EDIL3: variants seen among roughly 807,000 people sequenced by gnomAD.
EDIL3 encodes the protein EGF-like repeat and discoidin I-like domain-containing protein 3.
In EDIL3, 37 loss-of-function variants were observed where a neutral mutation model predicts 67.4. The observed-to-expected ratio is 0.55, with a 90% CI of 0.42 to 0.72. The LOEUF is 0.72. Ranked by LOEUF, EDIL3 falls within the 30% of genes least tolerant of loss-of-function variation. EDIL3 has a pLI of 0.00. For missense variants in EDIL3, 527 were observed against 586.3 expected (o/e 0.90, Z 1.04); for synonymous variants, 195 against 196.3 (o/e 0.99, Z 0.05).
At chr5:84,139,015 G>A (rs1396535791) in intron 4 of EDIL3, among the ~76,000 whole-genome samples, 1 of 152,152 alleles carries the variant, frequency 6.6e-6, no homozygotes, top group East Asian at 1.9e-4. Context: ...CAAGGCGGGT[G>A]GATCACAAGG....
intron 7 of EDIL3, among the ~76,000 whole-genome samples, chr5:84,066,243 A>C (rs1250359062): frequency 1.3e-5 from 2 of 152,184 alleles, no homozygotes; most frequent in African/African-American, 4.8e-5. Flanking sequence ...ACCAATTAAA[A>C]TCTGTGAAAA....
At chr5:84,213,995 C>T (rs1744178525) in intron 3 of EDIL3, among the ~76,000 whole-genome samples, 1 of 152,152 alleles carries the variant, frequency 6.6e-6, no homozygotes, top group South Asian at 2.1e-4. Flanking sequence ...CTTCCCCCTA[C>T]ATGACCAGTG....
At chr5:84,291,043 C>G (rs1327992916) in intron 1 of EDIL3, among the ~76,000 whole-genome samples, 1 of 152,110 alleles carries the variant, frequency 6.6e-6, no homozygotes, top group Non-Finnish European at 1.5e-5. Flanking sequence ...CCTTGATAAC[C>G]TGCTTTAAAA....
In EDIL3 at chr5:83,999,476, G is replaced by A. The variant is rs561817178; in HGVS notation, c.1138-36116C>T. ...ATGAAATAATTCTTAAATATCAAGC[G>A]GAAATTCTGAAGCTACAAAATTCAA... is the stretch of plus-strand genomic sequence containing the variant. On this transcript the variant is annotated intron_variant, in intron 9 of 10. Transcript: ENST00000296591. Among the ~76,000 whole-genome samples the A allele has an allele frequency of 3.5e-3, 537 of 152,060 alleles. 3 individuals are homozygous for A. The highest frequency in any genetic ancestry group is 5.5e-3 in the Non-Finnish European group (377 of 67,984).
At chr5:84,015,594 T>G (rs1745589747) in intron 9 of EDIL3, among the ~76,000 whole-genome samples, 1 of 152,154 alleles carries the variant, frequency 6.6e-6, no homozygotes, top group Admixed American at 6.6e-5. Flanking sequence ...AGAAAATCAC[T>G]TAGCAGGGAT....
intron 4 of EDIL3, among the ~76,000 whole-genome samples, chr5:84,148,272 T>C (rs1748322852): frequency 6.6e-6 from 1 of 152,156 alleles, no homozygotes; most frequent in East Asian, 1.9e-4. Context: ...ACTTCTACAT[T>C]TGGGTTTATC....
chr5:84,137,879 G>A (rs908702691), intron 4 of EDIL3, among the ~76,000 whole-genome samples: 1 of 152,168 alleles, frequency 6.6e-6, no homozygotes, highest in Non-Finnish European at 1.5e-5. Flanking sequence ...TACATGCAAA[G>A]TATAATAAAT....
chr5:84,114,398 A>C (rs1747628255), intron 5 of EDIL3, among the ~76,000 whole-genome samples: 1 of 152,108 alleles, frequency 6.6e-6, no homozygotes, highest in African/African-American at 2.4e-5. Flanking sequence ...GAGAATGTGA[A>C]GGTAAACATG....
At chr5:84,010,255 T>A (rs1231265036) in intron 9 of EDIL3, among the ~76,000 whole-genome samples, 1 of 152,228 alleles carries the variant, frequency 6.6e-6, no homozygotes, top group Non-Finnish European at 1.5e-5. Context: ...TTATATCAAG[T>A]AACCTTTTCT....
chr5:84,291,247 G>A (rs372841131), intron 1 of EDIL3, among the ~76,000 whole-genome samples: 2 of 152,230 alleles, frequency 1.3e-5, no homozygotes, highest in African/African-American at 4.8e-5. Flanking sequence ...TGATTTTCAT[G>A]ATCGGCACGA....
intron 4 of EDIL3, among the ~76,000 whole-genome samples, chr5:84,139,968 CA>C (rs772947926): frequency 6.6e-6 from 1 of 152,068 alleles, no homozygotes; most frequent in Non-Finnish European, 1.5e-5. Flanking sequence ...GCTAGAATCC[CA>C]TGTCAGAGAA....
chr5:84,248,342 A>C (rs1280320987), intron 2 of EDIL3, among the ~76,000 whole-genome samples: 4 of 152,172 alleles, frequency 2.6e-5, no homozygotes, highest in Admixed American at 2.6e-4. Flanking sequence ...GTTAATCCTG[A>C]ACTTACTGTG....
chr5:84,270,191 C>T (rs562085733), intron 1 of EDIL3, among the ~76,000 whole-genome samples: 2 of 152,202 alleles, frequency 1.3e-5, no homozygotes, highest in African/African-American at 4.8e-5. Flanking sequence ...AATTTAAAAA[C>T]TCACAACCTA....
chr5:84,000,172 A>T (rs1561398590), intron 9 of EDIL3, among the ~76,000 whole-genome samples: 1 of 152,162 alleles, frequency 6.6e-6, no homozygotes, highest in Non-Finnish European at 1.5e-5. Context: ...ACCAGAAAAA[A>T]ATGATATTAA....
At chr5:84,354,829 A>G (rs762325266) in intron 1 of EDIL3, among the ~76,000 whole-genome samples, 2 of 148,502 alleles carry the variant, frequency 1.3e-5, no homozygotes, top group Non-Finnish European at 2.9e-5. Context: ...ATTTCCTTAT[A>G]AGAATTTCCT....
At chr5:84,029,956 A>G (rs4336349) in intron 9 of EDIL3, among the ~76,000 whole-genome samples, 18,046 of 152,226 alleles carry the variant, frequency 0.12, 1,677 homozygotes, top group African/African-American at 0.25. Context: ...ACTTTGTTTA[A>G]GGAAGATAAA....
chr5:84,218,564 G>A (rs924392891), intron 3 of EDIL3, among the ~76,000 whole-genome samples: 1 of 152,196 alleles, frequency 6.6e-6, no homozygotes, highest in Non-Finnish European at 1.5e-5. Context: ...AATCAGCTTA[G>A]GTAGCAGCTC....
intron 1 of EDIL3, among the ~76,000 whole-genome samples, chr5:84,340,423 T>A (rs1326490038): frequency 6.6e-6 from 1 of 150,910 alleles, no homozygotes; most frequent in Non-Finnish European, 1.5e-5. Context: ...AGTTGACATA[T>A]GTAAATAATT....
At chr5:84,268,633 C>T (rs199517104) in intron 1 of EDIL3, among the ~76,000 whole-genome samples, 1 of 152,106 alleles carries the variant, frequency 6.6e-6, no homozygotes, top group Non-Finnish European at 1.5e-5. Flanking sequence ...AAAAATAACA[C>T]CTCTGTTTCA....
Sources: gnomAD v4.1 joint callset for allele counts (sites outside exome capture counted in the v4.1 genomes callset) on GRCh38, gnomAD v4.1.1 for gene constraint, MANE v1.5 for transcripts, NCBI Gene and HGNC (gene_info 2026-07-23, HGNC 2026-07-21) for gene names.